Variants in FOXP1 observed in about 807,000 individuals in gnomAD.
FOXP1 encodes forkhead box P1, also known as forkhead box protein P1.
Under a neutral mutation model 98.2 loss-of-function variants are expected in FOXP1, and 15 were observed. The ratio of observed to expected loss-of-function variants is 0.15; its 90% confidence interval spans 0.10 to 0.24. The LOEUF (loss-of-function observed/expected upper bound fraction) is 0.24. Ranked by LOEUF, FOXP1 falls within the 10% of genes least tolerant of loss-of-function variation. FOXP1 has a pLI of 1.00. For synonymous variants in FOXP1, 371 were observed against 314.5 expected (o/e 1.18, Z -1.90); for missense variants, 633 against 848.5 (o/e 0.75, Z 3.15).
intron 11 of FOXP1, among the ~76,000 whole-genome samples, chr3:71,038,578 T>G (rs1361314721): frequency 6.6e-6 from 1 of 152,324 alleles, no homozygotes; most frequent in Middle Eastern, 3.4e-3. Context: ...CACGTGATTT[T>G]TAAATTAAGC....
intron 3 of FOXP1, among the ~76,000 whole-genome samples, chr3:71,422,056 T>A (rs1553878765): frequency 6.6e-6 from 1 of 152,208 alleles, no homozygotes; most frequent in Non-Finnish European, 1.5e-5. Context: ...ATTGGGATGC[T>A]GAACATCTTT....
At chr3:71,153,690 G>A (rs2060683901) in intron 6 of FOXP1, among the ~76,000 whole-genome samples, 2 of 152,048 alleles carry the variant, frequency 1.3e-5, no homozygotes, top group Non-Finnish European at 2.9e-5. Context: ...AACCTAAAGA[G>A]GTGGATTCCA....
intron 12 of FOXP1, among the ~76,000 whole-genome samples, 161 bp downstream of exon 12, chr3:71,015,388 G>GT (rs1174725412): frequency 4.6e-5 from 7 of 151,882 alleles, no homozygotes; most frequent in Non-Finnish European, 1.0e-4. Flanking sequence ...AATAGATTTT[G>GT]TAACTATTCC....
chr3:71,548,791 C>T (rs563958504), intron 2 of FOXP1, among the ~76,000 whole-genome samples: 1 of 151,528 alleles, frequency 6.6e-6, no homozygotes, highest in South Asian at 2.1e-4. Flanking sequence ...GAGATGAAGT[C>T]AAAATAAAAA....
chr3:71,230,253 G>A (rs2066179502), intron 5 of FOXP1, among the ~76,000 whole-genome samples: 1 of 152,184 alleles, frequency 6.6e-6, no homozygotes, highest in Admixed American at 6.5e-5. Context: ...CAAATGGATC[G>A]CTTTCTTTAA....
At position 71,557,073 on chromosome 3, in the gene FOXP1, T is replaced by C. The variant is rs116664717; in HGVS notation, c.-298+24476A>G. Among the ~76,000 whole-genome samples the C allele has an allele frequency of 2.2e-3, 339 of 152,280 alleles. 1 individual carries two copies. The highest frequency in any genetic ancestry group is 3.6e-3 in the Non-Finnish European group (246 of 68,028). ...GTTTAAGATCATTTGTAGGGGTTTG[T>C]TCATAAAAACATTTTAAATTAGATT... On this transcript the variant is annotated intron_variant, in intron 2 of 20. Coordinates refer to ENST00000649528, the MANE Select transcript of FOXP1 (RefSeq NM_001349338.3).
chr3:71,087,175 C>T (rs2055207329), intron 7 of FOXP1, among the ~76,000 whole-genome samples: 1 of 152,206 alleles, frequency 6.6e-6, no homozygotes, highest in African/African-American at 2.4e-5. Context: ...AAGAGCTGTG[C>T]AGGCCCTGAA....
chr3:71,266,581 T>G (rs2069689700), intron 5 of FOXP1, among the ~76,000 whole-genome samples: 1 of 152,136 alleles, frequency 6.6e-6, no homozygotes, highest in Non-Finnish European at 1.5e-5. Context: ...TATTTTTATA[T>G]TTTTGTTATT....
chr3:71,053,891 A>G (rs184657832), intron 7 of FOXP1, 118 bp from the exon 8 acceptor site: 4 of 1,033,576 alleles, frequency 3.9e-6, no homozygotes, highest in Non-Finnish European at 5.9e-6. Context: ...CCCATGCAAC[A>G]TGTATTTATC....
chr3:71,400,509 C>T (rs2081889234), intron 3 of FOXP1, among the ~76,000 whole-genome samples: 1 of 152,102 alleles, frequency 6.6e-6, no homozygotes, highest in Non-Finnish European at 1.5e-5. Context: ...AGGCACGAGC[C>T]ACCATGCCTG....
At chr3:71,067,948 A>G (rs1381907618) in intron 7 of FOXP1, among the ~76,000 whole-genome samples, 1 of 149,788 alleles carries the variant, frequency 6.7e-6, no homozygotes, top group African/African-American at 2.5e-5. Flanking sequence ...AAAAAAATAT[A>G]TACTACAGGC....
At chr3:71,064,778 G>A (rs2052150898) in intron 7 of FOXP1, 11 of 983,870 alleles carry the variant, frequency 1.1e-5, no homozygotes, top group South Asian at 4.7e-5. Flanking sequence ...CCGCGGAGCC[G>A]GGGGAAGGAG....
chr3:71,179,130 C>A (rs533983434), intron 6 of FOXP1, among the ~76,000 whole-genome samples: 1 of 128,272 alleles, frequency 7.8e-6, no homozygotes, highest in African/African-American at 3.1e-5. Context: ...TTCCTCTTAA[C>A]AATCTTTTTT....
chr3:71,152,596 C>G (rs2060623650), intron 6 of FOXP1, among the ~76,000 whole-genome samples: 1 of 152,152 alleles, frequency 6.6e-6, no homozygotes, highest in Non-Finnish European at 1.5e-5. Flanking sequence ...GACCCCCACA[C>G]AGACCTGCTC....
intron 13 of FOXP1, among the ~76,000 whole-genome samples, chr3:70,995,541 G>A (rs1338350386): frequency 1.3e-5 from 2 of 151,984 alleles, no homozygotes; most frequent in African/African-American, 4.8e-5. Flanking sequence ...GTATGTCATC[G>A]ACCCAAATGA....
intron 5 of FOXP1, among the ~76,000 whole-genome samples, chr3:71,239,042 TA>T (rs1203385084): frequency 6.6e-6 from 1 of 152,222 alleles, no homozygotes; most frequent in Non-Finnish European, 1.5e-5. Flanking sequence ...AGAATTCAGA[TA>T]AACATTCCTT....
rs981673364 is a variant in FOXP1, at chr3:71,473,580, G to T, written c.-168+19846C>A. On this transcript the variant is annotated intron_variant, in intron 3 of 20. Coordinates refer to ENST00000649528, the MANE Select transcript of FOXP1 (RefSeq NM_001349338.3). ...GGACCTGTTCTACAATGAAATGGCA[G>T]AGTCATAGATACAACTGATGTATAA... 1.1e-4 allele frequency among the ~76,000 whole-genome samples: 16 copies of T among 152,236 alleles called. No individual in the cohort carries two copies. In the South Asian group the frequency reaches 3.1e-3, roughly 30 times the overall value.
At chr3:71,407,159 A>C (rs1198188770) in intron 3 of FOXP1, among the ~76,000 whole-genome samples, 1 of 152,136 alleles carries the variant, frequency 6.6e-6, no homozygotes, top group African/African-American at 2.4e-5. Context: ...CCCAGCACAC[A>C]GAAGCCTGCA....
chr3:71,225,196 T>C (rs560466378), intron 5 of FOXP1, among the ~76,000 whole-genome samples: 10 of 152,248 alleles, frequency 6.6e-5, no homozygotes, highest in Non-Finnish European at 1.3e-4. Flanking sequence ...TCTGTTGCCA[T>C]GTTATTCCAA....
Sources: gnomAD v4.1 joint callset for allele counts (sites outside exome capture counted in the v4.1 genomes callset) on GRCh38, gnomAD v4.1.1 for gene constraint, MANE v1.5 for transcripts, NCBI Gene and HGNC (gene_info 2026-07-23, HGNC 2026-07-21) for gene names.